The following PARPBP variants were observed in gnomAD, a reference collection of about 807,000 sequenced individuals.
PARPBP encodes PCNA-interacting partner.
Under a neutral mutation model 50.0 loss-of-function variants are expected in PARPBP, and 52 were observed. The ratio of observed to expected loss-of-function variants is 1.04; its 90% CI spans 0.83 to 1.31. PARPBP has a LOEUF of 1.31. PARPBP is among the 50% of genes most tolerant of loss of function. The probability of loss-of-function intolerance (pLI) is 0.00; values close to 1 mark genes in which losing one functional copy is unlikely to be tolerated. For synonymous variants in PARPBP, 244 were observed against 232.1 expected (o/e 1.05, Z -0.47); for missense variants, 697 against 672.0 (o/e 1.04, Z -0.41).
At chr12:102,193,177 C>T (rs900180047) in intron 9 of PARPBP, among the ~76,000 whole-genome samples, 9 of 151,600 alleles carry the variant, frequency 5.9e-5, no homozygotes, top group South Asian at 2.1e-4. Flanking sequence ...AGAGCTATTG[C>T]GCTTATTTTG....
chr12:102,182,778 G>A (rs564990483), intron 9 of PARPBP, 151 bp downstream of exon 9: 31 of 645,634 alleles, frequency 4.8e-5, no homozygotes, highest in Admixed American at 2.0e-4. Flanking sequence ...GACAGTTGAC[G>A]TACAGAGACT....
intron 3 of PARPBP, chr12:102,150,260 C>A (rs1439068520): frequency 2.2e-6 from 1 of 454,804 alleles, no homozygotes; most frequent in Non-Finnish European, 4.4e-6. Context: ...ATTGTTTGTT[C>A]TAGGGAAATT....
At position 102,173,158 on chromosome 12, in the gene PARPBP, C is replaced by A. The variant is rs374178975; in HGVS notation, c.822-2325C>A. On this transcript the variant is annotated intron_variant, in intron 6 of 10. Coordinates refer to ENST00000327680, the MANE Select transcript of PARPBP (RefSeq NM_017915.5). ...GAGGCAAGTGAAGAAGGGAAGCCAG[C>A]TTTTAGCCCAGGAACTGGCCAGCAT... Among the ~76,000 whole-genome samples, 17 of 152,310 alleles carry A rather than the reference C, an allele frequency of 1.1e-4. 1 individual carries two copies. The highest frequency in any genetic ancestry group is 2.0e-4 in the Admixed American group (3 of 15,294).
At chr12:102,173,989 A>G (rs1364441840) in intron 6 of PARPBP, among the ~76,000 whole-genome samples, 3 of 150,262 alleles carry the variant, frequency 2.0e-5, no homozygotes, top group African/African-American at 7.4e-5. Flanking sequence ...ATAGTAAAAT[A>G]TATATCATTT....
intron 4 of PARPBP, among the ~76,000 whole-genome samples, chr12:102,160,179 A>G (rs560351021): frequency 3.3e-5 from 5 of 152,330 alleles, no homozygotes; most frequent in South Asian, 2.1e-4. Flanking sequence ...TCTGACCATA[A>G]TAAGAGGGAT....
At chr12:102,192,709 A>G (rs1158275252) in intron 9 of PARPBP, among the ~76,000 whole-genome samples, 2 of 151,966 alleles carry the variant, frequency 1.3e-5, no homozygotes, top group Admixed American at 1.3e-4. Context: ...TCTGTTATCC[A>G]GTTTATTTGT....
In PARPBP at chr12:102,197,156, G is replaced by T. The variant is rs767158994; in HGVS notation, c.*865G>T. 3 of 1,611,578 alleles carry T rather than the reference G, an allele frequency of 1.9e-6. No homozygotes were observed. In the East Asian group the frequency reaches 6.7e-5, roughly 36 times the overall value. ...GGCAGACCATGATTTAAGAAATTAT[G>T]TTTGGAGCCTGTGTTCTGTAAAGAG... On this transcript the variant is annotated 3_prime_UTR_variant, in exon 11 of 11. Transcript: ENST00000327680.
intron 2 of PARPBP, among the ~76,000 whole-genome samples, chr12:102,143,111 G>GGCCTCCTTGA: frequency 6.6e-6 from 1 of 152,166 alleles, no homozygotes; most frequent in East Asian, 1.9e-4. Flanking sequence ...GAGGCAGGCG[G>GGCCTCCTTGA]GCCTCCTTGA....
At chr12:102,143,225 G>C (rs543443681) in intron 2 of PARPBP, among the ~76,000 whole-genome samples, 2 of 152,154 alleles carry the variant, frequency 1.3e-5, no homozygotes, top group Admixed American at 6.5e-5. Flanking sequence ...CTTGCAGTTC[G>C]ATCTCAGACT....
At chr12:102,143,093 A>G (rs1191935119) in intron 2 of PARPBP, among the ~76,000 whole-genome samples, 1 of 152,114 alleles carries the variant, frequency 6.6e-6, no homozygotes, top group Non-Finnish European at 1.5e-5. Context: ...TCAGAGGTGG[A>G]GTGTACAGAG....
Position 102,196,420 on chromosome 12 carries a change from G to A in PARPBP, c.*129G>A, listed in dbSNP as rs1891322655. The A allele has an allele frequency of 9.4e-6, 7 of 741,440 alleles. No individual in the cohort carries two copies. In the East Asian group the frequency reaches 1.3e-4, roughly 14 times the overall value. 45.9% of individuals were successfully genotyped at this position (741,440 alleles called of 1,614,324 possible). ...TTGGTCTACAGTGTATGTAAGGTTAGTATGTTAAGCATTGTTTAAAAATAC... is the reference window on the plus strand; with the variant it reads ...TTGGTCTACAGTGTATGTAAGGTTAATATGTTAAGCATTGTTTAAAAATAC... On this transcript the variant is annotated 3_prime_UTR_variant, in exon 11 of 11. Transcript: ENST00000327680.
intron 2 of PARPBP, among the ~76,000 whole-genome samples, chr12:102,125,459 A>C (rs1483850140): frequency 6.6e-6 from 1 of 152,186 alleles, no homozygotes; most frequent in Non-Finnish European, 1.5e-5. Flanking sequence ...GATTTGAAAC[A>C]GGGGAGGGCA....
intron 9 of PARPBP, among the ~76,000 whole-genome samples, chr12:102,183,894 G>A (rs1890061173): frequency 6.6e-6 from 1 of 151,746 alleles, no homozygotes; most frequent in African/African-American, 2.4e-5. Context: ...GGCCAACATG[G>A]TGAAACCCTG....
intron 6 of PARPBP, among the ~76,000 whole-genome samples, chr12:102,166,836 C>A (rs983764952): frequency 6.6e-6 from 1 of 151,934 alleles, no homozygotes; most frequent in Non-Finnish European, 1.5e-5. Context: ...ATATGGATAT[C>A]CATTACAAAG....
At chr12:102,154,983 TC>T in intron 4 of PARPBP, 2 of 340,394 alleles carry the variant, frequency 5.9e-6, no homozygotes, top group Non-Finnish European at 1.1e-5. Context: ...GAGACTCCTT[TC>T]TACTGATTCC....
intron 4 of PARPBP, among the ~76,000 whole-genome samples, chr12:102,156,487 C>T (rs953989381): frequency 1.4e-4 from 21 of 151,676 alleles, no homozygotes; most frequent in African/African-American, 2.9e-4. Context: ...CCACTGCGCC[C>T]GGCCCAGAAT....
Position 102,182,529 on chromosome 12 carries a change from CTT to C in PARPBP, c.1185-9_1185-8del, listed in dbSNP as rs35297380. The C allele has an allele frequency of 3.1e-3, 4,262 of 1,377,828 alleles. No individual in the cohort carries two copies. The highest frequency in any genetic ancestry group is 6.7e-3 in the South Asian group (495 of 74,020). The allele number at this position is 1,377,828 out of a possible 1,614,324, so 85.4% of individuals were successfully genotyped here. On this transcript the variant is annotated intron_variant, in intron 8 of 10. Transcript: ENST00000327680. ...TCCAACCATAGCAATAAATTTTTGC[CTT>C]TTTTTTTTTTGACATAGGTCTCCCA... is the stretch of plus-strand genomic sequence containing the variant.
chr12:102,176,589 T>C (rs1889305557), intron 7 of PARPBP, among the ~76,000 whole-genome samples: 1 of 152,178 alleles, frequency 6.6e-6, no homozygotes. Flanking sequence ...ATAAGAGAAA[T>C]TGACTACTGT....
intron 2 of PARPBP, among the ~76,000 whole-genome samples, chr12:102,126,903 ATT>A (rs1340670685): frequency 1.3e-5 from 2 of 152,172 alleles, no homozygotes; most frequent in Non-Finnish European, 2.9e-5. Flanking sequence ...TAATTTATTC[ATT>A]TTATCACTCT....
Sources: allele counts gnomAD v4.1 joint callset (sites outside exome capture counted in the v4.1 genomes callset), GRCh38; gene constraint gnomAD v4.1.1; transcripts MANE v1.5; gene names NCBI Gene and HGNC (gene_info 2026-07-23, HGNC 2026-07-21).